RSRC1: variants seen among roughly 807,000 people sequenced by gnomAD.
RSRC1 encodes the protein arginine and serine rich coiled-coil 1, also known as serine/Arginine-related protein 53.
RSRC1 carries 39 observed loss-of-function variants against 49.1 expected under a neutral mutation model. The ratio of observed to expected loss-of-function variants is 0.79; its 90% confidence interval spans 0.61 to 1.04. The LOEUF is 1.04. RSRC1 is among the 50% of genes least tolerant of loss of function. RSRC1 has a pLI of 0.00. For synonymous variants in RSRC1, 143 were observed against 130.8 expected, an observed-to-expected ratio of 1.09 and a Z score of -0.63; for missense variants, 388 against 402.4, an observed-to-expected ratio of 0.96 and a Z score of 0.31.
At chr3:158,198,931 C>T (rs1720844980) in intron 3 of RSRC1, among the ~76,000 whole-genome samples, 1 of 152,144 alleles carries the variant, frequency 6.6e-6, no homozygotes, top group Admixed American at 6.5e-5. Flanking sequence ...TGCTGAAAGC[C>T]ATGTAATTCT....
chr3:158,140,275 A>G (rs1039534532), intron 3 of RSRC1, among the ~76,000 whole-genome samples: 1 of 152,146 alleles, frequency 6.6e-6, no homozygotes, highest in Non-Finnish European at 1.5e-5. Flanking sequence ...TTTATAGTTC[A>G]CTTTCATACG....
At chr3:158,377,178 A>C (rs781668612) in intron 6 of RSRC1, among the ~76,000 whole-genome samples, 11 of 152,148 alleles carry the variant, frequency 7.2e-5, no homozygotes, top group Non-Finnish European at 1.6e-4. Flanking sequence ...GATGTGTTTC[A>C]GTCTGCAAAT....
chr3:158,464,405 G>A (rs949945034), intron 7 of RSRC1, among the ~76,000 whole-genome samples: 7 of 152,010 alleles, frequency 4.6e-5, no homozygotes, highest in Non-Finnish European at 8.8e-5. Flanking sequence ...TTCCCCTTGT[G>A]TTTATTCAAA....
At chr3:158,452,685 A>G (rs1002215265) in intron 6 of RSRC1, among the ~76,000 whole-genome samples, 5 of 152,206 alleles carry the variant, frequency 3.3e-5, no homozygotes, top group East Asian at 1.9e-4. Context: ...ATTTTGCTAG[A>G]TGTTTTTATT....
intron 3 of RSRC1, among the ~76,000 whole-genome samples, chr3:158,191,516 AT>A (rs1456092342): frequency 6.6e-6 from 1 of 152,030 alleles, no homozygotes; most frequent in Admixed American, 6.6e-5. Flanking sequence ...TCAGTAATTC[AT>A]TTTATGTAGA....
intron 3 of RSRC1, among the ~76,000 whole-genome samples, chr3:158,169,291 G>A (rs569782220): frequency 3.4e-3 from 523 of 152,214 alleles, no homozygotes; most frequent in Non-Finnish European, 5.0e-3. Context: ...CCAGGGATGG[G>A]CATGAAACTG....
At chr3:158,123,730 T>C in intron 2 of RSRC1, 136 bp from the exon 3 acceptor site, 1 of 736,654 alleles carries the variant, frequency 1.4e-6, no homozygotes, top group Non-Finnish European at 2.1e-6. Context: ...AATAACATTT[T>C]AATTTATCTC....
chr3:158,259,628 G>A (rs1188232937), intron 4 of RSRC1, among the ~76,000 whole-genome samples: 2 of 152,204 alleles, frequency 1.3e-5, no homozygotes, highest in Non-Finnish European at 2.9e-5. Flanking sequence ...TCCACAGGTG[G>A]TGAGTCTAGC....
intron 5 of RSRC1, among the ~76,000 whole-genome samples, chr3:158,341,383 G>A (rs1006902243): frequency 1.6e-4 from 25 of 152,116 alleles, no homozygotes; most frequent in African/African-American, 5.3e-4. Context: ...TAGGGACTTC[G>A]TGCCCTGTGT....
chr3:158,157,732 A>AT (rs1717962221), intron 3 of RSRC1, among the ~76,000 whole-genome samples: 1 of 152,156 alleles, frequency 6.6e-6, no homozygotes, highest in African/African-American at 2.4e-5. Context: ...CCTGACCAAC[A>AT]TGGAGAAACC....
At chr3:158,200,029 A>G (rs919619717) in intron 3 of RSRC1, among the ~76,000 whole-genome samples, 1 of 151,918 alleles carries the variant, frequency 6.6e-6, no homozygotes, top group African/African-American at 2.4e-5. Flanking sequence ...TATGATGTAT[A>G]TATTTTTATC....
chr3:158,155,617 AT>A (rs35550220), intron 3 of RSRC1, among the ~76,000 whole-genome samples: 2 of 96,978 alleles, frequency 2.1e-5, no homozygotes, highest in African/African-American at 8.2e-5. Context: ...TTTTTTTTGT[AT>A]TTTTTGTAGA....
At chr3:158,398,635 G>T (rs1733731463) in intron 6 of RSRC1, among the ~76,000 whole-genome samples, 1 of 152,144 alleles carries the variant, frequency 6.6e-6, no homozygotes, top group African/African-American at 2.4e-5. Context: ...ATAGCAGGGA[G>T]CAAAGGATGG....
At chr3:158,347,634 C>A (rs1017524286) in intron 5 of RSRC1, among the ~76,000 whole-genome samples, 10 of 152,144 alleles carry the variant, frequency 6.6e-5, no homozygotes, top group Non-Finnish European at 1.0e-4. Context: ...CAACCTCAAA[C>A]TCCTGGGCTC....
intron 7 of RSRC1, among the ~76,000 whole-genome samples, chr3:158,474,010 G>A (rs1390856769): frequency 6.6e-6 from 1 of 152,138 alleles, no homozygotes; most frequent in East Asian, 1.9e-4. Flanking sequence ...TGTTGTATGT[G>A]TAGGTGATAT....
In RSRC1 at chr3:158,325,873, C is replaced by A. The variant is rs191609850; in HGVS notation, c.531+27798C>A. Among the ~76,000 whole-genome samples, 7 of 152,254 alleles carry A rather than the reference C, an allele frequency of 4.6e-5. No individual in the cohort carries two copies. The East Asian group carries it at 1.3e-3, about 29-fold the overall frequency. On this transcript the variant is annotated intron_variant, in intron 5 of 9. Coordinates refer to ENST00000611884, the MANE Select transcript of RSRC1 (RefSeq NM_001271838.2). ...TTCCTATCCATGAGCATGGAATGTT[C>A]TTCCATTTGTTTGTATCCTCTTTTA... is the stretch of plus-strand genomic sequence containing the variant.
intron 3 of RSRC1, among the ~76,000 whole-genome samples, chr3:158,154,223 A>G (rs1314268210): frequency 3.3e-5 from 5 of 152,162 alleles, no homozygotes; most frequent in Non-Finnish European, 5.9e-5. Flanking sequence ...AAAATACCTT[A>G]TTGCTTAAAA....
intron 4 of RSRC1, among the ~76,000 whole-genome samples, chr3:158,265,893 T>C (rs1315503025): frequency 2.0e-5 from 3 of 152,014 alleles, no homozygotes; most frequent in Admixed American, 6.6e-5. Context: ...GTAGGGATGA[T>C]TTTTTTTGTC....
chr3:158,424,755 G>C (rs1735304750), intron 6 of RSRC1, among the ~76,000 whole-genome samples: 1 of 152,094 alleles, frequency 6.6e-6, no homozygotes, highest in Admixed American at 6.6e-5. Flanking sequence ...CACAATTTCA[G>C]CTCCTGTTAT....
Sources: gnomAD v4.1 joint callset for allele counts (sites outside exome capture counted in the v4.1 genomes callset) on GRCh38, gnomAD v4.1.1 for gene constraint, MANE v1.5 for transcripts, NCBI Gene and HGNC (gene_info 2026-07-23, HGNC 2026-07-21) for gene names.